The following FAM13B variants were observed in gnomAD, a reference collection of about 807,000 sequenced individuals.
FAM13B encodes family with sequence similarity 13 member B.
In FAM13B, 60 loss-of-function variants were observed where a neutral mutation model predicts 117.3. That is an observed-to-expected ratio of 0.51 (90% CI 0.42 to 0.63). The LOEUF (loss-of-function observed/expected upper bound fraction) is 0.63. FAM13B is among the 30% of genes least tolerant of loss of function. The pLI is 0.00. For missense variants in FAM13B, 972 were observed against 1,091.9 expected (o/e 0.89, Z 1.55); for synonymous variants, 332 against 356.1 (o/e 0.93, Z 0.76).
chr5:138,001,459 A>G (rs1242867200), intron 7 of FAM13B, among the ~76,000 whole-genome samples: 1 of 152,214 alleles, frequency 6.6e-6, no homozygotes, highest in East Asian at 1.9e-4. Flanking sequence ...CATTTGCTAT[A>G]TATGTAATTT....
intron 10 of FAM13B, among the ~76,000 whole-genome samples, chr5:137,969,224 G>A (rs972992368): frequency 1.3e-5 from 2 of 152,214 alleles, no homozygotes; most frequent in African/African-American, 2.4e-5. Flanking sequence ...TGACAGCATT[G>A]AAGAGAGCAG....
At chr5:137,990,856 T>C (rs1778436865) in intron 7 of FAM13B, among the ~76,000 whole-genome samples, 1 of 152,138 alleles carries the variant, frequency 6.6e-6, no homozygotes, top group Admixed American at 6.5e-5. Flanking sequence ...CAATATAGTA[T>C]ATTGACAAAG....
At position 137,987,490 on chromosome 5, in the gene FAM13B, A is replaced by C. The variant is rs376873762; in HGVS notation, c.1017T>G (p.Ile339Met). The C allele has an allele frequency of 1.2e-6, 2 of 1,612,672 alleles. No individual in the cohort carries two copies. The highest frequency in any genetic ancestry group is 1.7e-6 in the Non-Finnish European group (2 of 1,179,368). ...SVVCNNEAES[I>M]HCDGEGSNNQ... ...TATTAGATCCTTCCCCATCACAATG[A>C]ATACTTTCTGCTTCATTATTACACA... The change falls in exon 9 of 24, where the codon ATT (isoleucine) becomes ATG (methionine). Residue 339 changes from isoleucine to methionine, a missense_variant. By Grantham distance (10) the Ile-to-Met change is conservative. Transcript: ENST00000689681.
intron 7 of FAM13B, among the ~76,000 whole-genome samples, chr5:137,990,436 A>G (rs1778337344): frequency 6.6e-6 from 1 of 152,120 alleles, no homozygotes; most frequent in South Asian, 2.1e-4. Context: ...TCTGTTACTA[A>G]AGCTTTATAT....
chr5:138,051,290 G>T (rs1380184839), intron 1 of FAM13B, among the ~76,000 whole-genome samples: 1 of 152,098 alleles, frequency 6.6e-6, no homozygotes, highest in Non-Finnish European at 1.5e-5. Context: ...CAATATGTTT[G>T]TATACTCATG....
intron 7 of FAM13B, among the ~76,000 whole-genome samples, chr5:137,992,510 C>T (rs1158435890): frequency 6.6e-6 from 1 of 152,002 alleles, no homozygotes; most frequent in Non-Finnish European, 1.5e-5. Flanking sequence ...AGGGGAATCA[C>T]TTGAACCCGG....
intron 17 of FAM13B, among the ~76,000 whole-genome samples, chr5:137,949,609 G>A (rs184855282): frequency 4.3e-3 from 648 of 152,148 alleles, no homozygotes; most frequent in South Asian, 6.4e-3. Flanking sequence ...GCAAAACCCC[G>A]TCTCTACTAA....
At chr5:137,994,664 C>T (rs938059089) in intron 7 of FAM13B, among the ~76,000 whole-genome samples, 5 of 152,162 alleles carry the variant, frequency 3.3e-5, no homozygotes, top group African/African-American at 1.2e-4. Flanking sequence ...ATTCATTCAA[C>T]CCCTAGACAA....
intron 2 of FAM13B, among the ~76,000 whole-genome samples, chr5:138,019,553 T>G (rs1420569765): frequency 5.3e-5 from 8 of 152,188 alleles, no homozygotes; most frequent in Admixed American, 3.9e-4. Context: ...ACCCCTCAAT[T>G]CATAAGCCCA....
intron 10 of FAM13B, among the ~76,000 whole-genome samples, chr5:137,966,519 A>C: frequency 6.9e-6 from 1 of 143,914 alleles, no homozygotes; most frequent in Non-Finnish European, 1.5e-5. Context: ...AGAGAGAGAG[A>C]GAGAGGGAAA....
intron 3 of FAM13B, 90 bp downstream of exon 3, chr5:138,018,865 T>TA (rs61387863): frequency 0.022 from 20,080 of 898,820 alleles, no homozygotes; most frequent in Non-Finnish European, 0.024. Context: ...CTTTCCATAT[T>TA]AAAAAAAAAA....
In FAM13B at chr5:138,048,164, A is replaced by C. The variant is rs549491445; in HGVS notation, c.-203+3714T>G. 3.9e-5 allele frequency among the ~76,000 whole-genome samples: 6 copies of C among 152,342 alleles called. No homozygotes were observed. The East Asian group carries it at 1.2e-3, about 29-fold the overall frequency. ...AATAAAGCAGAAAGTACGATTTCCC[A>C]TATACCCACTGCCCCACACATACAA... is the stretch of plus-strand genomic sequence containing the variant. On this transcript the variant is annotated intron_variant, in intron 1 of 3. Transcript: ENST00000502471.
intron 1 of FAM13B, among the ~76,000 whole-genome samples, chr5:138,050,167 G>A (rs1264133931): frequency 2.0e-5 from 3 of 152,078 alleles, no homozygotes; most frequent in Non-Finnish European, 2.9e-5. Context: ...GCCAGGCATG[G>A]TGGCTCATGC....
intron 7 of FAM13B, among the ~76,000 whole-genome samples, chr5:137,994,782 T>C (rs1364236427): frequency 1.3e-5 from 2 of 152,220 alleles, no homozygotes; most frequent in Non-Finnish European, 2.9e-5. Context: ...TGACATTTTA[T>C]CCCTTCTGCT....
At chr5:137,943,528 C>T (rs1762482722) in intron 20 of FAM13B, among the ~76,000 whole-genome samples, 1 of 152,168 alleles carries the variant, frequency 6.6e-6, no homozygotes, top group African/African-American at 2.4e-5. Context: ...AGGCGGATCA[C>T]AGGTAAGGAG....
chr5:137,965,562 G>C (rs1185289502), intron 10 of FAM13B, among the ~76,000 whole-genome samples: 1 of 152,136 alleles, frequency 6.6e-6, no homozygotes, highest in East Asian at 1.9e-4. Context: ...AAGCATGCTA[G>C]TTACTTCTAT....
chr5:138,002,343 C>A (rs1441894793), intron 7 of FAM13B, among the ~76,000 whole-genome samples: 1 of 151,980 alleles, frequency 6.6e-6, no homozygotes, highest in Non-Finnish European at 1.5e-5. Flanking sequence ...CCAGCCTGGC[C>A]AATGTGGTGA....
intron 14 of FAM13B, among the ~76,000 whole-genome samples, chr5:137,956,201 A>T (rs1245776869): frequency 2.0e-5 from 3 of 152,242 alleles, no homozygotes; most frequent in African/African-American, 7.2e-5. Flanking sequence ...AATTGGGTAC[A>T]AAGCGTGCAA....
Position 138,007,555 on chromosome 5 carries a change from T to C in FAM13B, c.691-408A>G, listed in dbSNP as rs141297349. 8.5e-5 allele frequency among the ~76,000 whole-genome samples: 13 copies of C among 152,282 alleles called. No homozygotes were observed. The East Asian group carries it at 2.5e-3, about 29-fold the overall frequency. ...CCTTAAACAAGTCATTTTAATATAG[T>C]AAGTGTGAAAAAAGAAGCGCAAAAA... On this transcript the variant is annotated intron_variant, in intron 6 of 23. Transcript: ENST00000689681.
Sources: gnomAD v4.1 joint callset for allele counts (sites outside exome capture counted in the v4.1 genomes callset) on GRCh38, gnomAD v4.1.1 for gene constraint, MANE v1.5 for transcripts, NCBI Gene and HGNC (gene_info 2026-07-23, HGNC 2026-07-21) for gene names.